LEF1: variants seen among roughly 807,000 people sequenced by gnomAD.
LEF1 encodes lymphoid enhancer binding factor 1.
In LEF1, 14 loss-of-function variants were observed where a neutral mutation model predicts 51.2. The ratio of observed to expected loss-of-function variants is 0.27; its 90% CI spans 0.18 to 0.43. The LOEUF (loss-of-function observed/expected upper bound fraction) is 0.43. Among genes scored for constraint, LEF1 ranks in the 20% least tolerant of loss-of-function variants. LEF1 has a pLI of 1.00. For synonymous variants in LEF1, 185 were observed against 183.2 expected, an observed-to-expected ratio of 1.01 and a Z score of -0.08; for missense variants, 386 against 512.0, an observed-to-expected ratio of 0.75 and a Z score of 2.37.
chr4:108,073,646 C>A (rs1738641684), intron 8 of LEF1, among the ~76,000 whole-genome samples: 1 of 151,988 alleles, frequency 6.6e-6, no homozygotes, highest in African/African-American at 2.4e-5. Flanking sequence ...AATTAACTCC[C>A]AAAATAGGTA....
rs151184933 is a variant in LEF1 at position 108,064,724 on chromosome 4, TTC to T, written c.1117-342_1117-341del. ...GTCTTAGAGCTGTGGCCATAGAGCC[TTC>T]TCTCTCTCTCTCTCTCACACATACA... On this transcript the variant is annotated intron_variant, in intron 9 of 11. Transcript: ENST00000265165. 2.3e-4 allele frequency among the ~76,000 whole-genome samples: 33 copies of T among 145,316 alleles called. No individual in the cohort carries two copies. The South Asian group carries it at 3.3e-3, about 15-fold the overall frequency.
chr4:108,087,247 T>G (rs1441351201), intron 4 of LEF1, among the ~76,000 whole-genome samples: 1 of 152,174 alleles, frequency 6.6e-6, no homozygotes, highest in Non-Finnish European at 1.5e-5. Context: ...TACACGATGA[T>G]AAGGAACACA....
chr4:108,147,449 G>A (rs1049939163), intron 3 of LEF1, among the ~76,000 whole-genome samples: 14 of 152,018 alleles, frequency 9.2e-5, no homozygotes, highest in African/African-American at 3.4e-4. Context: ...ACTACACAGA[G>A]GCCTCTGTTT....
At chr4:108,136,167 T>C (rs1743250371) in intron 3 of LEF1, among the ~76,000 whole-genome samples, 1 of 152,234 alleles carries the variant, frequency 6.6e-6, no homozygotes, top group African/African-American at 2.4e-5. Context: ...AAAATAACTT[T>C]CAGAAGCATA....
At chr4:108,137,031 A>G (rs1159705864) in intron 3 of LEF1, among the ~76,000 whole-genome samples, 6 of 152,188 alleles carry the variant, frequency 3.9e-5, no homozygotes, top group Non-Finnish European at 5.9e-5. Context: ...GTACTTTAAA[A>G]TTGACTTTAA....
chr4:108,071,562 G>A (rs950435519), intron 8 of LEF1: 4 of 152,156 alleles, frequency 2.6e-5, no homozygotes, highest in African/African-American at 9.7e-5. Context: ...TGATTATATA[G>A]CACATATAAC....
intron 3 of LEF1, among the ~76,000 whole-genome samples, chr4:108,145,493 G>A (rs960579279): frequency 1.3e-5 from 2 of 152,108 alleles, no homozygotes; most frequent in Non-Finnish European, 2.9e-5. Context: ...ATTGATGAGG[G>A]CTTGCAGTAA....
At chr4:108,105,258 A>G (rs2003869) in intron 3 of LEF1, among the ~76,000 whole-genome samples, 85,069 of 149,058 alleles carry the variant, frequency 0.57, 24,510 homozygotes, top group Middle Eastern at 0.72. Flanking sequence ...TTGGCTCACC[A>G]CAACCTCTGC....
At chr4:108,102,825 T>C (rs1740916550) in intron 3 of LEF1, among the ~76,000 whole-genome samples, 1 of 152,214 alleles carries the variant, frequency 6.6e-6, no homozygotes, top group Non-Finnish European at 1.5e-5. Context: ...AAAAGGGTGA[T>C]GTCTTGAGGG....
intron 3 of LEF1, among the ~76,000 whole-genome samples, chr4:108,132,637 T>C (rs914469335): frequency 4.8e-5 from 7 of 144,632 alleles, no homozygotes; most frequent in African/African-American, 1.0e-4. Flanking sequence ...TCAATAGATA[T>C]GGGATGAGAG....
intron 9 of LEF1, among the ~76,000 whole-genome samples, chr4:108,067,541 T>G (rs1738158094): frequency 6.6e-6 from 1 of 151,986 alleles, no homozygotes; most frequent in Non-Finnish European, 1.5e-5. Flanking sequence ...CCTTTTTTTT[T>G]TTTTTTGGAG....
chr4:108,152,471 C>T (rs899518780), intron 3 of LEF1, among the ~76,000 whole-genome samples: 2 of 152,260 alleles, frequency 1.3e-5, no homozygotes, highest in Admixed American at 6.5e-5. Flanking sequence ...TGAGATCTGA[C>T]GAGAGGTGAA....
intron 11 of LEF1, among the ~76,000 whole-genome samples, chr4:108,050,490 G>A (rs1172486846): frequency 6.6e-6 from 1 of 152,126 alleles, no homozygotes; most frequent in Non-Finnish European, 1.5e-5. Context: ...CACGCAGGAG[G>A]ATCAAAGAGC....
intron 3 of LEF1, among the ~76,000 whole-genome samples, chr4:108,106,592 T>C (rs138769571): frequency 1.3e-5 from 2 of 152,276 alleles, no homozygotes; most frequent in African/African-American, 4.8e-5. Context: ...TGTCGTTTCA[T>C]GCAACACAAG....
chr4:108,116,005 G>C (rs1411771441), intron 3 of LEF1, among the ~76,000 whole-genome samples: 1 of 152,170 alleles, frequency 6.6e-6, no homozygotes, highest in Non-Finnish European at 1.5e-5. Flanking sequence ...TGAGGTCCCT[G>C]ACAATGACAG....
chr4:108,082,495 A>T (rs1739374750), intron 5 of LEF1, among the ~76,000 whole-genome samples: 1 of 152,146 alleles, frequency 6.6e-6, no homozygotes, highest in African/African-American at 2.4e-5. Context: ...AGGATAATGC[A>T]AGGATGTCCA....
chr4:108,099,540 A>C, intron 3 of LEF1, among the ~76,000 whole-genome samples: 1 of 40,148 alleles, frequency 2.5e-5, no homozygotes, highest in Admixed American at 2.6e-4. Flanking sequence ...ATATATGTGT[A>C]TATGTGTGTG....
chr4:108,055,746 A>G (rs1274949744), intron 11 of LEF1, among the ~76,000 whole-genome samples: 1 of 152,138 alleles, frequency 6.6e-6, no homozygotes. Context: ...ATGGCATCAG[A>G]TCAGTCTTGC....
chr4:108,092,942 A>AC (rs1430721678), intron 3 of LEF1, among the ~76,000 whole-genome samples: 2,580 of 145,042 alleles, frequency 0.018, 65 homozygotes, highest in Middle Eastern at 0.043. Context: ...AAAAAAAAAA[A>AC]AAAAAAAGAC....
Sources: gnomAD v4.1 joint callset for allele counts (sites outside exome capture counted in the v4.1 genomes callset) on GRCh38, gnomAD v4.1.1 for gene constraint, MANE v1.5 for transcripts, NCBI Gene and HGNC (gene_info 2026-07-23, HGNC 2026-07-21) for gene names.